XIRP2: variants seen among roughly 807,000 people sequenced by gnomAD.
The protein encoded by XIRP2 is xin actin binding repeat containing 2, also known as xin actin-binding repeat-containing protein 2.
A neutral mutation model predicts 277.0 loss-of-function variants in XIRP2; 236 were observed. The observed-to-expected ratio is 0.85, with a 90% CI of 0.77 to 0.95. The LOEUF is 0.95. XIRP2 is among the 40% of genes least tolerant of loss of function. The probability of loss-of-function intolerance (pLI) is 0.00; values close to 1 mark genes in which losing one functional copy is unlikely to be tolerated. For synonymous variants in XIRP2, 1,490 were observed against 1,416.5 expected (o/e 1.05, Z -1.17); for missense variants, 4,640 against 4,157.5 (o/e 1.12, Z -3.19).
intron 3 of XIRP2, among the ~76,000 whole-genome samples, chr2:167,150,764 C>G (rs897255753): frequency 2.0e-5 from 3 of 151,916 alleles, no homozygotes; most frequent in Non-Finnish European, 2.9e-5. Context: ...ATTTATAGTA[C>G]TATGATTAGC....
chr2:167,076,095 G>A (rs1574228935), intron 2 of XIRP2, among the ~76,000 whole-genome samples: 1 of 152,042 alleles, frequency 6.6e-6, no homozygotes, highest in African/African-American at 2.4e-5. Flanking sequence ...ATATGCAGAG[G>A]ATGGTATCAT....
chr2:166,937,371 T>A (rs540118842), intron 2 of XIRP2, among the ~76,000 whole-genome samples: 1 of 152,344 alleles, frequency 6.6e-6, no homozygotes, highest in South Asian at 2.1e-4. Flanking sequence ...TTTGGTTCTG[T>A]TTATATGCTG....
chr2:167,069,032 G>A (rs1689373706), intron 2 of XIRP2, among the ~76,000 whole-genome samples: 1 of 152,066 alleles, frequency 6.6e-6, no homozygotes, highest in Admixed American at 6.5e-5. Flanking sequence ...CAATATCCAT[G>A]GATACCATGA....
At chr2:166,894,916 C>T (rs867580579) in intron 1 of XIRP2, among the ~76,000 whole-genome samples, 1 of 152,162 alleles carries the variant, frequency 6.6e-6, no homozygotes, top group Non-Finnish European at 1.5e-5. Context: ...GTCAGGAATG[C>T]TTCCCTGAGG....
intron 2 of XIRP2, among the ~76,000 whole-genome samples, chr2:167,096,316 A>G (rs1357216428): frequency 6.6e-6 from 1 of 151,966 alleles, no homozygotes; most frequent in Admixed American, 6.6e-5. Flanking sequence ...TTTCTTCTAG[A>G]TTTTTTAGTT....
At chr2:166,939,679 C>G (rs1372414517) in intron 2 of XIRP2, among the ~76,000 whole-genome samples, 52 of 90,672 alleles carry the variant, frequency 5.7e-4, no homozygotes, top group African/African-American at 2.5e-3. Flanking sequence ...GACTCCATCA[C>G]AAAAAAAAAA....
chr2:166,904,473 T>G (rs1191163055), intron 2 of XIRP2, among the ~76,000 whole-genome samples: 1 of 152,196 alleles, frequency 6.6e-6, no homozygotes, highest in African/African-American at 2.4e-5. Context: ...TGGAATATTT[T>G]GTGGTAGGTG....
rs141368693 is a variant in XIRP2 at position 166,974,644 on chromosome 2, A to G, written c.408+70754A>G. ...GCAATGCTTCTAGATGAAAAGTGAT[A>G]AGGAGGTAGAGTTAAAAGGAGTTAA... is the stretch of plus-strand genomic sequence containing the variant. On this transcript the variant is annotated intron_variant, in intron 2 of 10. Transcript: ENST00000409195. Among the ~76,000 whole-genome samples the G allele has an allele frequency of 5.4e-3, 822 of 152,142 alleles. 8 individuals are homozygous for G. Among genetic ancestry groups the G allele is most frequent in the African/African-American group, 0.019 (785 of 41,572 alleles).
intron 3 of XIRP2, among the ~76,000 whole-genome samples, chr2:167,174,642 T>G (rs2105351600): frequency 6.6e-6 from 1 of 152,322 alleles, no homozygotes; most frequent in East Asian, 1.9e-4. Flanking sequence ...TAGTTATTTC[T>G]TGTCTTCTGC....
chr2:166,962,659 T>G (rs1686327812), intron 2 of XIRP2, among the ~76,000 whole-genome samples: 1 of 151,808 alleles, frequency 6.6e-6, no homozygotes, highest in African/African-American at 2.4e-5. Flanking sequence ...AATGCCTTGT[T>G]GAAGTTTATT....
chr2:167,245,260 G>A lies in XIRP2; in HGVS notation c.3868G>A (p.Glu1290Lys). The A allele has an allele frequency of 1.9e-6, 3 of 1,613,546 alleles. No homozygotes were observed. In the African/African-American group the frequency reaches 4.0e-5, roughly 22 times the overall value. The change falls in exon 9 of 11, where the codon GAA becomes AAA. Residue 1290 changes from glutamate (E) to lysine (K), a missense_variant. Transcript: ENST00000409195. ...ETFSLDEIKE[E>K]SDYISTKKTI... The stretch of plus-strand genomic sequence containing the variant: ...TTTTTCTTTAGATGAGATTAAAGAA[G>A]AATCTGACTATATCAGCACCAAGAA...
At chr2:167,182,725 G>T (rs985185356) in intron 3 of XIRP2, among the ~76,000 whole-genome samples, 4 of 151,974 alleles carry the variant, frequency 2.6e-5, no homozygotes, top group Non-Finnish European at 4.4e-5. Context: ...TGGGGTTGCT[G>T]ACAGAATAAA....
At chr2:167,031,986 A>C (rs1688375816) in intron 2 of XIRP2, among the ~76,000 whole-genome samples, 1 of 152,084 alleles carries the variant, frequency 6.6e-6, no homozygotes, top group Non-Finnish European at 1.5e-5. Context: ...AAAAGAGCCC[A>C]TATAGCCAAG....
At chr2:166,975,994 A>G (rs944611992) in intron 2 of XIRP2, among the ~76,000 whole-genome samples, 1 of 148,376 alleles carries the variant, frequency 6.7e-6, no homozygotes, top group African/African-American at 2.5e-5. Flanking sequence ...ATATCCATGC[A>G]TTTTAGTGTA....
At chr2:166,963,127 A>G (rs1279538672) in intron 2 of XIRP2, among the ~76,000 whole-genome samples, 1 of 151,804 alleles carries the variant, frequency 6.6e-6, no homozygotes, top group East Asian at 1.9e-4. Context: ...ATGAATATGT[A>G]CAACTTTGTC....
chr2:166,932,999 C>T (rs1410230402), intron 2 of XIRP2, among the ~76,000 whole-genome samples: 5 of 151,996 alleles, frequency 3.3e-5, no homozygotes. Context: ...AGTTCTTCTT[C>T]AGGATTGTCT....
intron 2 of XIRP2, among the ~76,000 whole-genome samples, chr2:167,010,344 T>G (rs1433425406): frequency 6.6e-6 from 1 of 151,612 alleles, no homozygotes; most frequent in African/African-American, 2.4e-5. Context: ...CCCCATTGCT[T>G]GTTTTTCTCA....
chr2:167,075,102 A>T (rs1428925854), intron 2 of XIRP2, among the ~76,000 whole-genome samples: 1 of 152,244 alleles, frequency 6.6e-6, no homozygotes, highest in African/African-American at 2.4e-5. Context: ...GGATTTACTC[A>T]ACATAAATCT....
rs369285179 is a variant in XIRP2 at position 167,247,031 on chromosome 2, A to G, written c.5639A>G (p.His1880Arg). The change falls in exon 9 of 11, where the codon CAT becomes CGT. Residue 1880 changes from histidine (H) to arginine (R), a missense_variant. By Grantham distance (29) the His-to-Arg change is conservative. Transcript: ENST00000409195. ...CTCAAGTCACTTAAAGAATCAAGCC[A>G]TCGATGGAAAGAATCTAAACAGCCT... Reference protein sequence around the residue: ...ATLKSLKESSHRWKESKQPDA... With the variant: ...ATLKSLKESSRRWKESKQPDA... 14 of 1,613,430 alleles carry G rather than the reference A, an allele frequency of 8.7e-6. No individual in the cohort carries two copies. In the African/African-American group the frequency reaches 1.5e-4, roughly 17 times the overall value.
Sources: gnomAD v4.1 joint callset for allele counts (sites outside exome capture counted in the v4.1 genomes callset) on GRCh38, gnomAD v4.1.1 for gene constraint, MANE v1.5 for transcripts, NCBI Gene and HGNC (gene_info 2026-07-23, HGNC 2026-07-21) for gene names.